MAP3K5: variants seen among roughly 807,000 people sequenced by gnomAD.
MAP3K5 encodes the protein ASK-1.
A neutral mutation model predicts 158.7 loss-of-function variants in MAP3K5; 56 were observed. The ratio of observed to expected loss-of-function variants is 0.35; its 90% CI spans 0.28 to 0.44. The LOEUF is 0.44. MAP3K5 is among the 20% of genes least tolerant of loss of function. MAP3K5 has a pLI of 1.00. For missense variants in MAP3K5, 1,294 were observed against 1,674.8 expected (o/e 0.77, Z 3.97); for synonymous variants, 579 against 601.7 (o/e 0.96, Z 0.55).
At chr6:136,614,325 C>T in intron 15 of MAP3K5, 39 bp from the exon 16 acceptor site, 1 of 1,596,728 alleles carries the variant, frequency 6.3e-7, no homozygotes, top group Middle Eastern at 1.7e-4. Context: ...AATTATGTAG[C>T]CAGACTTTAC....
intron 25 of MAP3K5, among the ~76,000 whole-genome samples, chr6:136,568,545 A>G (rs576045844): frequency 2.6e-5 from 4 of 152,330 alleles, no homozygotes; most frequent in East Asian, 1.9e-4. Flanking sequence ...AACATACTAT[A>G]TAACATGAGA....
chr6:136,630,082 C>T (rs543842415), intron 14 of MAP3K5, among the ~76,000 whole-genome samples: 4 of 152,226 alleles, frequency 2.6e-5, no homozygotes, highest in African/African-American at 9.6e-5. Flanking sequence ...GCTTCCCAGG[C>T]CTTCCTATCT....
intron 10 of MAP3K5, among the ~76,000 whole-genome samples, chr6:136,654,724 G>A (rs1778669050): frequency 6.7e-6 from 1 of 150,242 alleles, no homozygotes. Context: ...GGGATTACAA[G>A]TATAAGTCCT....
chr6:136,749,875 C>G (rs910355789), intron 1 of MAP3K5, among the ~76,000 whole-genome samples: 4 of 152,114 alleles, frequency 2.6e-5, no homozygotes, highest in African/African-American at 7.2e-5. Flanking sequence ...CACTCATCCA[C>G]CCAGTATTTA....
chr6:136,705,143 A>G lies in MAP3K5; in HGVS notation c.589-10T>C, dbSNP rs1424066614. The G allele has an allele frequency of 9.4e-6, 11 of 1,168,762 alleles. No individual in the cohort carries two copies. The highest frequency in any genetic ancestry group is 1.3e-5 in the Non-Finnish European group (11 of 823,496). The allele number at this position is 1,168,762 out of a possible 1,614,324, so 72.4% of individuals were successfully genotyped here. On this transcript the variant is annotated splice_polypyrimidine_tract_variant and intron_variant, in intron 2 of 29. Coordinates refer to ENST00000359015, the MANE Select transcript of MAP3K5 (RefSeq NM_005923.4). Reference sequence around the variant, plus strand: ...TCTGGCAAATTATTTCCTGAAAAACAAGAAAAAAAATATACCACAAGTTAA... The same window carrying G: ...TCTGGCAAATTATTTCCTGAAAAACGAGAAAAAAAATATACCACAAGTTAA...
At chr6:136,592,731 A>T in intron 21 of MAP3K5, 117 bp from the exon 22 acceptor site, 1 of 883,648 alleles carries the variant, frequency 1.1e-6, no homozygotes, top group Non-Finnish European at 1.9e-6. Context: ...AATGAGCAGC[A>T]TAATTATGCT....
chr6:136,777,278 C>T (rs1784436256), intron 1 of MAP3K5, among the ~76,000 whole-genome samples: 2 of 152,208 alleles, frequency 1.3e-5, no homozygotes, highest in Non-Finnish European at 2.9e-5. Context: ...TCTAGAGTAT[C>T]TACAAATCTT....
At position 136,757,594 on chromosome 6, in the gene MAP3K5, T is replaced by A. The variant is rs538798143; in HGVS notation, c.448+34116A>T. Among the ~76,000 whole-genome samples, 1,114 of 147,392 alleles carry A rather than the reference T, an allele frequency of 7.6e-3. 23 individuals carry two copies. The highest frequency in any genetic ancestry group is 0.024 in the African/African-American group (979 of 40,280). ...TTATTTATTTATTTTTTATTTTTTT[T>A]TTTTTTTTTTGAGACGGAGTTTCGC... On this transcript the variant is annotated intron_variant, in intron 1 of 29. Transcript: ENST00000359015.
chr6:136,645,036 C>G (rs1562574600), intron 11 of MAP3K5, among the ~76,000 whole-genome samples: 1 of 152,130 alleles, frequency 6.6e-6, no homozygotes, highest in Non-Finnish European at 1.5e-5. Flanking sequence ...TCAAGCAATC[C>G]TCCCGCCTCA....
chr6:136,691,095 C>G (rs1780365751), intron 7 of MAP3K5, among the ~76,000 whole-genome samples: 1 of 151,982 alleles, frequency 6.6e-6, no homozygotes, highest in Non-Finnish European at 1.5e-5. Flanking sequence ...ATGACCTTTT[C>G]TTGTATTTCT....
At chr6:136,756,405 A>G (rs1052173121) in intron 1 of MAP3K5, among the ~76,000 whole-genome samples, 3 of 152,138 alleles carry the variant, frequency 2.0e-5, no homozygotes, top group Non-Finnish European at 4.4e-5. Flanking sequence ...CTCTCTGAAT[A>G]TGTCTTTCCA....
chr6:136,593,222 A>T (rs1363174569), intron 21 of MAP3K5, among the ~76,000 whole-genome samples: 2 of 152,256 alleles, frequency 1.3e-5, no homozygotes, highest in African/African-American at 4.8e-5. Context: ...ATGATCTCTT[A>T]GGTCTGTCCT....
intron 1 of MAP3K5, among the ~76,000 whole-genome samples, chr6:136,744,058 T>C (rs1344778291): frequency 2.0e-5 from 3 of 152,194 alleles, no homozygotes; most frequent in Non-Finnish European, 4.4e-5. Context: ...AGTGCAACTA[T>C]GCTGTACAAT....
At chr6:136,723,785 G>C (rs963049355) in intron 1 of MAP3K5, among the ~76,000 whole-genome samples, 1 of 152,154 alleles carries the variant, frequency 6.6e-6, no homozygotes, top group Non-Finnish European at 1.5e-5. Flanking sequence ...AGACACAGAA[G>C]TTTATGAAAT....
intron 21 of MAP3K5, among the ~76,000 whole-genome samples, chr6:136,593,454 C>A (rs755864674): frequency 6.6e-6 from 1 of 152,150 alleles, no homozygotes; most frequent in Non-Finnish European, 1.5e-5. Context: ...GCCACTCGGG[C>A]CCACCATCCA....
At chr6:136,658,367 T>C (rs1440053642) in intron 9 of MAP3K5, among the ~76,000 whole-genome samples, 1 of 142,244 alleles carries the variant, frequency 7.0e-6, no homozygotes, top group Non-Finnish European at 1.5e-5. Context: ...CAGGTTGAAA[T>C]GCAGTGGCGC....
intron 14 of MAP3K5, among the ~76,000 whole-genome samples, chr6:136,627,079 C>T (rs892001816): frequency 6.6e-6 from 1 of 151,864 alleles, no homozygotes; most frequent in Admixed American, 6.6e-5. Context: ...CATCCATTTG[C>T]TTTTTTTTAG....
chr6:136,590,689 C>T (rs986889216), intron 23 of MAP3K5, among the ~76,000 whole-genome samples: 34 of 151,996 alleles, frequency 2.2e-4, no homozygotes, highest in African/African-American at 7.0e-4. Flanking sequence ...TACAGGCGCC[C>T]GCCATCACGC....
intron 7 of MAP3K5, among the ~76,000 whole-genome samples, chr6:136,684,480 G>A (rs1008834878): frequency 7.9e-5 from 12 of 152,100 alleles, no homozygotes; most frequent in Non-Finnish European, 5.9e-5. Flanking sequence ...AGAAAATGTG[G>A]AGATAATCTG....
Sources: allele counts gnomAD v4.1 joint callset (sites outside exome capture counted in the v4.1 genomes callset), GRCh38; gene constraint gnomAD v4.1.1; transcripts MANE v1.5; gene names NCBI Gene and HGNC (gene_info 2026-07-23, HGNC 2026-07-21).